TNRC6B: variants seen among roughly 807,000 people sequenced by gnomAD.
TNRC6B encodes trinucleotide repeat-containing gene 6B protein.
A neutral mutation model predicts 203.6 loss-of-function variants in TNRC6B; 52 were observed. The ratio of observed to expected loss-of-function variants is 0.26; its 90% CI spans 0.20 to 0.32. The LOEUF is 0.32. TNRC6B is among the 10% of genes least tolerant of loss of function. TNRC6B has a pLI of 1.00. For synonymous variants in TNRC6B, 838 were observed against 845.7 expected, an observed-to-expected ratio of 0.99 and a Z score of 0.16; for missense variants, 1,923 against 2,286.2, an observed-to-expected ratio of 0.84 and a Z score of 3.24.
At chr22:40,164,841 G>A (rs545262326) in intron 4 of TNRC6B, among the ~76,000 whole-genome samples, 4 of 143,582 alleles carry the variant, frequency 2.8e-5, no homozygotes, top group South Asian at 2.2e-4. Flanking sequence ...GCAGTGACAC[G>A]ATCTTGGCTC....
At chr22:40,091,764 C>A (rs556815720) in intron 1 of TNRC6B, among the ~76,000 whole-genome samples, 1 of 151,924 alleles carries the variant, frequency 6.6e-6, no homozygotes, top group Non-Finnish European at 1.5e-5. Flanking sequence ...ACGATGGGAA[C>A]TTGAACGTTC....
At chr22:40,247,280 G>A (rs1234239089) in intron 2 of TNRC6B, among the ~76,000 whole-genome samples, 1 of 152,186 alleles carries the variant, frequency 6.6e-6, no homozygotes, top group Non-Finnish European at 1.5e-5. Flanking sequence ...CCTGGTGCTA[G>A]TTAATTGAAG....
chr22:40,264,174 A>G (rs1178280258), intron 4 of TNRC6B, among the ~76,000 whole-genome samples: 2 of 152,358 alleles, frequency 1.3e-5, no homozygotes, highest in Non-Finnish European at 2.9e-5. Flanking sequence ...GAATATTGAC[A>G]TCTACATAGG....
chr22:40,072,502 C>G (rs1303441929), intron 1 of TNRC6B, among the ~76,000 whole-genome samples: 2 of 152,236 alleles, frequency 1.3e-5, no homozygotes, highest in Non-Finnish European at 1.5e-5. Context: ...AAACTTTTGT[C>G]TTAATATGGA....
chr22:40,301,814 A>G (rs192516606), intron 15 of TNRC6B, among the ~76,000 whole-genome samples: 1 of 152,258 alleles, frequency 6.6e-6, no homozygotes, highest in African/African-American at 2.4e-5. Flanking sequence ...ATGCCCCAAA[A>G]TCTGAAACTT....
At chr22:40,163,397 CAAAAAA>C (rs1032013873) in intron 4 of TNRC6B, among the ~76,000 whole-genome samples, 6 of 20,084 alleles carry the variant, frequency 3.0e-4, no homozygotes, top group East Asian at 3.4e-3. Flanking sequence ...GACCCTGTCT[CAAAAAA>C]AAAAAAAAAA....
chr22:40,130,764 C>A (rs1418005008), intron 3 of TNRC6B, among the ~76,000 whole-genome samples: 2 of 99,860 alleles, frequency 2.0e-5, no homozygotes, highest in South Asian at 3.5e-4. Flanking sequence ...GCCTGGGCGA[C>A]AGGGAGACTC....
intron 1 of TNRC6B, among the ~76,000 whole-genome samples, chr22:40,057,897 GTAGACCTTCTAAATAAAGACT>G (rs762514695): frequency 1.8e-4 from 27 of 152,172 alleles, no homozygotes; most frequent in Non-Finnish European, 3.1e-4. Context: ...TGTTATCTCT[GTAGACCTTCTAAATAAAGACT>G]TTCCTGTTAG....
intron 1 of TNRC6B, among the ~76,000 whole-genome samples, chr22:40,218,823 G>C (rs2069670958): frequency 6.6e-6 from 1 of 152,232 alleles, no homozygotes; most frequent in African/African-American, 2.4e-5. Context: ...GGGAGACATA[G>C]AGGAGATGGG....
At chr22:40,217,943 A>T (rs183283366) in intron 1 of TNRC6B, among the ~76,000 whole-genome samples, 8 of 146,206 alleles carry the variant, frequency 5.5e-5, no homozygotes, top group Non-Finnish European at 1.2e-4. Flanking sequence ...ACTGCACCCC[A>T]ACCTGGGCGA....
chr22:40,096,233 C>A (rs1045471072), intron 1 of TNRC6B, among the ~76,000 whole-genome samples: 1 of 152,152 alleles, frequency 6.6e-6, no homozygotes, highest in African/African-American at 2.4e-5. Context: ...ATGGCCAATT[C>A]TTAGGAAGTC....
At chr22:40,220,793 C>A (rs1299484396) in intron 1 of TNRC6B, among the ~76,000 whole-genome samples, 1 of 152,074 alleles carries the variant, frequency 6.6e-6, no homozygotes, top group Admixed American at 6.6e-5. Flanking sequence ...CCTTTTAAAG[C>A]CTTTGTTTTA....
At chr22:40,290,103 T>G (rs1405739821) in intron 12 of TNRC6B, among the ~76,000 whole-genome samples, 1 of 152,204 alleles carries the variant, frequency 6.6e-6, no homozygotes, top group East Asian at 1.9e-4. Context: ...CTGCCTCGGC[T>G]CAACATTTGC....
intron 3 of TNRC6B, among the ~76,000 whole-genome samples, chr22:40,142,504 TAAC>T (rs2068653362): frequency 6.6e-6 from 1 of 152,106 alleles, no homozygotes; most frequent in African/African-American, 2.4e-5. Context: ...AAATAAAAAA[TAAC>T]AATAACAATT....
chr22:40,238,984 C>G (rs1569033652), intron 1 of TNRC6B, among the ~76,000 whole-genome samples: 1 of 151,936 alleles, frequency 6.6e-6, no homozygotes, highest in East Asian at 1.9e-4. Flanking sequence ...GGGCGGATCA[C>G]TTGAGGTCAG....
rs193179092 is a variant in TNRC6B, at chr22:40,061,925, T to G, written c.-121+16927T>G. 2.6e-4 allele frequency among the ~76,000 whole-genome samples: 39 copies of G among 151,884 alleles called. No individual in the cohort carries two copies. In the East Asian group the frequency reaches 7.2e-3, roughly 28 times the overall value. On this transcript the variant is annotated intron_variant, in intron 1 of 23. Coordinates refer to the TNRC6B transcript ENST00000301923. ...CTTGTCTCTACTAAAAATACAAAAA[T>G]TAGCTGGGCGTGGTGGTGGGCGCCT...
intron 21 of TNRC6B, among the ~76,000 whole-genome samples, chr22:40,317,478 T>A (rs891692077): frequency 1.3e-5 from 2 of 152,158 alleles, no homozygotes; most frequent in Admixed American, 6.5e-5. Context: ...CTCGGGAGGC[T>A]GAGGCAGGAG....
intron 19 of TNRC6B, among the ~76,000 whole-genome samples, chr22:40,314,680 G>A (rs531178687): frequency 6.6e-6 from 1 of 152,292 alleles, no homozygotes; most frequent in Non-Finnish European, 1.5e-5. Context: ...CACCACTTCT[G>A]TTGCTCATCT....
intron 3 of TNRC6B, chr22:40,126,000 A>C: frequency 1.1e-6 from 1 of 882,562 alleles, no homozygotes; most frequent in South Asian, 2.3e-5. Flanking sequence ...AGATTGAGAA[A>C]TATTTTTTCT....
Sources: allele counts gnomAD v4.1 joint callset (sites outside exome capture counted in the v4.1 genomes callset), GRCh38; gene constraint gnomAD v4.1.1; transcripts MANE v1.5; gene names NCBI Gene and HGNC (gene_info 2026-07-23, HGNC 2026-07-21).